CPE: variants seen among roughly 807,000 people sequenced by gnomAD.
CPE encodes the protein carbocypeptidase E.
In CPE, 17 loss-of-function variants were observed where a neutral mutation model predicts 53.5. The ratio of observed to expected loss-of-function variants is 0.32; its 90% confidence interval spans 0.22 to 0.48. CPE has a LOEUF of 0.48. Ranked by LOEUF, CPE falls within the 20% of genes least tolerant of loss-of-function variation. The probability of loss-of-function intolerance (pLI) is 0.99; values close to 1 mark genes in which losing one functional copy is unlikely to be tolerated. For missense variants in CPE, 524 were observed against 614.7 expected, an observed-to-expected ratio of 0.85 and a Z score of 1.56; for synonymous variants, 226 against 228.8, an observed-to-expected ratio of 0.99 and a Z score of 0.11.
intron 1 of CPE, among the ~76,000 whole-genome samples, chr4:165,428,299 C>A (rs527395438): frequency 1.2e-4 from 19 of 152,228 alleles, no homozygotes; most frequent in Admixed American, 3.3e-4. Flanking sequence ...CAATCCTCAG[C>A]ATCCCAAAGT....
chr4:165,435,430 G>A (rs956338918), intron 1 of CPE, among the ~76,000 whole-genome samples: 9 of 152,160 alleles, frequency 5.9e-5, no homozygotes, highest in African/African-American at 1.9e-4. Flanking sequence ...GAGCAGATAT[G>A]TAACCAATTT....
At chr4:165,402,870 A>G (rs1266958295) in intron 1 of CPE, among the ~76,000 whole-genome samples, 1 of 152,264 alleles carries the variant, frequency 6.6e-6, no homozygotes, top group African/African-American at 2.4e-5. Flanking sequence ...AAAAACCTGA[A>G]GAATGTGGCA....
At chr4:165,497,460 TA>T (rs1361085083) in intron 8 of CPE, 51 bp from the exon 9 acceptor site, 14 of 1,070,162 alleles carry the variant, frequency 1.3e-5, no homozygotes, top group African/African-American at 4.9e-5. Flanking sequence ...TATTTCAATT[TA>T]AAAAAACACA....
intron 1 of CPE, among the ~76,000 whole-genome samples, chr4:165,453,752 C>T (rs547575784): frequency 6.6e-6 from 1 of 152,272 alleles, no homozygotes; most frequent in East Asian, 1.9e-4. Flanking sequence ...GAATGATCTC[C>T]TGGAGGGAGA....
intron 1 of CPE, among the ~76,000 whole-genome samples, chr4:165,456,933 G>T (rs898648301): frequency 6.6e-6 from 1 of 151,898 alleles, no homozygotes; most frequent in African/African-American, 2.4e-5. Flanking sequence ...TAGAGACGGA[G>T]TTTCACCAGC....
At chr4:165,457,138 T>C in intron 1 of CPE, among the ~76,000 whole-genome samples, 1 of 152,224 alleles carries the variant, frequency 6.6e-6, no homozygotes. Flanking sequence ...AGAAGCCATC[T>C]ATCCCAAATA....
rs139038864 is a variant in CPE at position 165,495,358 on chromosome 4, A to G, written c.1214-201A>G. Among the ~76,000 whole-genome samples, 961 of 152,328 alleles carry G rather than the reference A, an allele frequency of 6.3e-3. 8 individuals are homozygous for G. The highest frequency in any genetic ancestry group is 0.022 in the African/African-American group (913 of 41,572). ...TAACATTGATATCTATAAAGTAGCT[A>G]TAAGAAATGAAGCCTGTAAAGAGAG... On this transcript the variant is annotated intron_variant, in intron 7 of 8. Coordinates refer to ENST00000402744, the MANE Select transcript of CPE (RefSeq NM_001873.4).
intron 3 of CPE, among the ~76,000 whole-genome samples, chr4:165,475,129 G>A (rs1394789681): frequency 3.9e-5 from 6 of 152,146 alleles, no homozygotes; most frequent in African/African-American, 1.4e-4. Flanking sequence ...CTTGAGGCTT[G>A]AGGTAAGAAC....
At chr4:165,487,670 C>T in intron 6 of CPE, 93 bp downstream of exon 6, 2 of 1,398,036 alleles carry the variant, frequency 1.4e-6, no homozygotes, top group Non-Finnish European at 2.0e-6. Context: ...GAGAATCCGT[C>T]TGGTGCAGAA....
At chr4:165,398,318 C>G (rs28503877) in intron 1 of CPE, among the ~76,000 whole-genome samples, 35,363 of 151,956 alleles carry the variant, frequency 0.23, 4,289 homozygotes, top group Middle Eastern at 0.33. Flanking sequence ...TAGCCTACAA[C>G]TGCTAATATA....
intron 1 of CPE, among the ~76,000 whole-genome samples, chr4:165,421,519 T>C (rs1345748824): frequency 3.3e-5 from 5 of 152,188 alleles, no homozygotes; most frequent in African/African-American, 1.2e-4. Context: ...CTCCTCCAAG[T>C]TGTCCAAAAA....
chr4:165,465,878 T>A (rs1732088716), intron 2 of CPE, among the ~76,000 whole-genome samples: 1 of 152,218 alleles, frequency 6.6e-6, no homozygotes. Flanking sequence ...ACAGAGGCAA[T>A]GAATATTTTA....
chr4:165,474,220 A>G (rs1318476282), intron 3 of CPE, among the ~76,000 whole-genome samples: 2 of 152,218 alleles, frequency 1.3e-5, no homozygotes, highest in Non-Finnish European at 2.9e-5. Context: ...TCTCAGTTAT[A>G]AAAGACTGAG....
In CPE at chr4:165,384,496, C is replaced by T. The variant is rs573941735; in HGVS notation, c.307+4968C>T. The stretch of plus-strand genomic sequence containing the variant: ...ATTAGCTGGGCATGGTAGCATTTGC[C>T]TGTAGTCCCAGCTACTTGGGGGGCT... On this transcript the variant is annotated intron_variant, in intron 1 of 8. Transcript: ENST00000402744. 1.4e-4 allele frequency among the ~76,000 whole-genome samples: 22 copies of T among 152,304 alleles called. No homozygotes were observed. The East Asian group carries it at 3.5e-3, about 24-fold the overall frequency.
Position 165,444,698 on chromosome 4 carries a change from C to G in CPE, c.308-19692C>G, listed in dbSNP as rs376335554. Among the ~76,000 whole-genome samples the G allele has an allele frequency of 3.1e-3, 469 of 152,160 alleles. 1 individual carries two copies. The highest frequency in any genetic ancestry group is 0.011 in the African/African-American group (458 of 41,516). On this transcript the variant is annotated intron_variant, in intron 1 of 8. Coordinates refer to ENST00000402744, the MANE Select transcript of CPE (RefSeq NM_001873.4). ...AGCTCAGCCATATTCTTCCTCCCTG[C>G]CCTCAATGCGTCTTCCCCAGTTTTA...
intron 1 of CPE, among the ~76,000 whole-genome samples, chr4:165,416,992 T>C (rs868361263): frequency 2.0e-5 from 3 of 152,192 alleles, no homozygotes; most frequent in Non-Finnish European, 4.4e-5. Context: ...CTTTCTTCAC[T>C]GTAATCTTGC....
intron 3 of CPE, among the ~76,000 whole-genome samples, chr4:165,480,921 T>C (rs538705018): frequency 6.6e-6 from 1 of 151,206 alleles, no homozygotes; most frequent in South Asian, 2.1e-4. Flanking sequence ...GTAGTGGATA[T>C]CTTTAGGTGG....
intron 3 of CPE, among the ~76,000 whole-genome samples, chr4:165,468,400 C>A (rs1732145057): frequency 6.6e-6 from 1 of 152,130 alleles, no homozygotes; most frequent in Non-Finnish European, 1.5e-5. Context: ...CAAGGTCTCC[C>A]AGATCCGTGC....
chr4:165,385,244 C>T (rs1730571190), intron 1 of CPE, among the ~76,000 whole-genome samples: 1 of 151,978 alleles, frequency 6.6e-6, no homozygotes. Context: ...TTTTTACTTT[C>T]AGTTGGTCTG....
Sources: gnomAD v4.1 joint callset for allele counts (sites outside exome capture counted in the v4.1 genomes callset) on GRCh38, gnomAD v4.1.1 for gene constraint, MANE v1.5 for transcripts, NCBI Gene and HGNC (gene_info 2026-07-23, HGNC 2026-07-21) for gene names.